GRIA2: variants seen among roughly 807,000 people sequenced by gnomAD.
GRIA2 encodes the protein glutamate ionotropic receptor AMPA type subunit 2.
GRIA2 carries 14 observed loss-of-function variants against 97.3 expected under a neutral mutation model. That is an observed-to-expected ratio of 0.14 (90% CI 0.10 to 0.23). The LOEUF (loss-of-function observed/expected upper bound fraction) is 0.23, where lower values mean the gene tolerates loss of function less well. Among genes scored for constraint, GRIA2 ranks in the 10% least tolerant of loss-of-function variants. GRIA2 has a pLI of 1.00. For missense variants in GRIA2, 558 were observed against 1,069.8 expected, an observed-to-expected ratio of 0.52 and a Z score of 6.67; for synonymous variants, 412 against 387.8, an observed-to-expected ratio of 1.06 and a Z score of -0.73.
At chr4:157,362,253 A>T (rs1032122668) in intron 14 of GRIA2, among the ~76,000 whole-genome samples, 1 of 152,134 alleles carries the variant, frequency 6.6e-6, no homozygotes, top group Non-Finnish European at 1.5e-5. Context: ...TCACCAGCCA[A>T]CATATTGCAG....
At chr4:157,273,494 A>G (rs1003984890) in intron 2 of GRIA2, among the ~76,000 whole-genome samples, 5 of 152,090 alleles carry the variant, frequency 3.3e-5, no homozygotes, top group Non-Finnish European at 7.4e-5. Flanking sequence ...AGTAAACAGT[A>G]TGCAGTTATA....
intron 2 of GRIA2, among the ~76,000 whole-genome samples, chr4:157,275,009 C>A (rs1469184001): frequency 6.6e-6 from 1 of 151,672 alleles, no homozygotes; most frequent in Non-Finnish European, 1.5e-5. Flanking sequence ...TCCTATTTCT[C>A]CACATCCTCT....
At chr4:157,224,444 C>G (rs1729652407) in intron 2 of GRIA2, among the ~76,000 whole-genome samples, 1 of 152,140 alleles carries the variant, frequency 6.6e-6, no homozygotes, top group Non-Finnish European at 1.5e-5. Context: ...GGGCAAATCG[C>G]TTAACATGTT....
intron 2 of GRIA2, among the ~76,000 whole-genome samples, chr4:157,246,412 T>C (rs909060336): frequency 1.3e-5 from 2 of 152,168 alleles, no homozygotes; most frequent in African/African-American, 4.8e-5. Context: ...TTATATGAAC[T>C]ACATGCAACT....
At chr4:157,349,561 A>G (rs1735916942) in intron 12 of GRIA2, among the ~76,000 whole-genome samples, 1 of 149,562 alleles carries the variant, frequency 6.7e-6, no homozygotes, top group Non-Finnish European at 1.5e-5. Flanking sequence ...TGGGACATAT[A>G]GAGATATTTC....
chr4:157,304,989 C>A (rs995671081), intron 3 of GRIA2, among the ~76,000 whole-genome samples: 2 of 152,100 alleles, frequency 1.3e-5, no homozygotes, highest in Non-Finnish European at 1.5e-5. Flanking sequence ...ACAACTATGT[C>A]CCCCTGCTTT....
intron 12 of GRIA2, among the ~76,000 whole-genome samples, chr4:157,351,513 A>T (rs1477299945): frequency 6.6e-6 from 1 of 152,216 alleles, no homozygotes; most frequent in Non-Finnish European, 1.5e-5. Flanking sequence ...ATTTGCATTG[A>T]CAACTTTAAA....
intron 2 of GRIA2, among the ~76,000 whole-genome samples, chr4:157,276,249 C>A (rs952228624): frequency 1.3e-5 from 2 of 152,038 alleles, no homozygotes; most frequent in South Asian, 4.1e-4. Context: ...GCTGGAAAAT[C>A]CCCAAATAGT....
intron 2 of GRIA2, among the ~76,000 whole-genome samples, chr4:157,222,787 T>A (rs1560997626): frequency 6.6e-6 from 1 of 152,076 alleles, no homozygotes; most frequent in Admixed American, 6.5e-5. Context: ...CTGTGATGGG[T>A]TCAGATAAAG....
At chr4:157,259,418 G>A (rs1048294273) in intron 2 of GRIA2, among the ~76,000 whole-genome samples, 3 of 152,048 alleles carry the variant, frequency 2.0e-5, no homozygotes, top group South Asian at 2.1e-4. Flanking sequence ...AGCTATGAAA[G>A]TAGTTAAAGC....
chr4:157,305,471 A>G (rs1041960474), intron 3 of GRIA2, among the ~76,000 whole-genome samples: 1 of 152,172 alleles, frequency 6.6e-6, no homozygotes, highest in Non-Finnish European at 1.5e-5. Context: ...ATACTTCAAT[A>G]GCTTCTCATT....
intron 5 of GRIA2, among the ~76,000 whole-genome samples, chr4:157,318,099 T>C (rs568013164): frequency 6.6e-5 from 10 of 152,246 alleles, no homozygotes; most frequent in South Asian, 4.1e-4. Context: ...TTATAAATGA[T>C]ATAAGAATTT....
At chr4:157,286,171 A>C (rs1732837726) in intron 2 of GRIA2, among the ~76,000 whole-genome samples, 1 of 151,510 alleles carries the variant, frequency 6.6e-6, no homozygotes, top group African/African-American at 2.4e-5. Context: ...TCATTATCTC[A>C]TTTTTACAGA....
At chr4:157,312,641 G>C (rs371333839) in intron 3 of GRIA2, 38 bp from the exon 4 acceptor site, 1 of 1,150,762 alleles carries the variant, frequency 8.7e-7, no homozygotes, top group Non-Finnish European at 1.2e-6. Flanking sequence ...AGTTATTCAC[G>C]TATCTTTATC....
chr4:157,302,131 C>CCACTG (rs919416572), intron 2 of GRIA2, among the ~76,000 whole-genome samples: 1 of 150,800 alleles, frequency 6.6e-6, no homozygotes, highest in Non-Finnish European at 1.5e-5. Flanking sequence ...TGAGATCGCA[C>CCACTG]CACTGCACTG....
intron 2 of GRIA2, among the ~76,000 whole-genome samples, chr4:157,240,421 A>AT (rs998926831): frequency 3.3e-5 from 5 of 152,074 alleles, no homozygotes; most frequent in South Asian, 2.1e-4. Flanking sequence ...GGAGTTTCTC[A>AT]TTTTTTTGTT....
intron 2 of GRIA2, among the ~76,000 whole-genome samples, chr4:157,244,564 T>C (rs1208687297): frequency 6.6e-6 from 1 of 152,098 alleles, no homozygotes; most frequent in African/African-American, 2.4e-5. Flanking sequence ...AGAGTGAACA[T>C]TTCTCTAGAA....
chr4:157,307,879 T>C (rs1213170994), intron 3 of GRIA2, among the ~76,000 whole-genome samples: 1 of 152,264 alleles, frequency 6.6e-6, no homozygotes, highest in Non-Finnish European at 1.5e-5. Context: ...TTTCAAATTA[T>C]AATTTTTTCC....
chr4:157,233,669 A>G (rs1380462228), intron 2 of GRIA2, among the ~76,000 whole-genome samples: 1 of 152,112 alleles, frequency 6.6e-6, no homozygotes, highest in African/African-American at 2.4e-5. Context: ...CGTTCCCAGT[A>G]TTTATTTCCT....
Sources: allele counts gnomAD v4.1 joint callset (sites outside exome capture counted in the v4.1 genomes callset), GRCh38; gene constraint gnomAD v4.1.1; transcripts MANE v1.5; gene names NCBI Gene and HGNC (gene_info 2026-07-23, HGNC 2026-07-21).